The following PCCA variants were observed in gnomAD, a reference collection of about 807,000 sequenced individuals.
The protein encoded by PCCA is propionyl-CoA carboxylase alpha chain, mitochondrial.
A neutral mutation model predicts 101.3 loss-of-function variants in PCCA; 74 were observed. The ratio of observed to expected loss-of-function variants is 0.73; its 90% CI spans 0.61 to 0.89. PCCA has a LOEUF of 0.89. PCCA is among the 40% of genes least tolerant of loss of function. The pLI is 0.00. For synonymous variants in PCCA, 294 were observed against 313.6 expected, an observed-to-expected ratio of 0.94 and a Z score of 0.66; for missense variants, 891 against 907.0, an observed-to-expected ratio of 0.98 and a Z score of 0.23.
intron 5 of PCCA, among the ~76,000 whole-genome samples, 166 bp downstream of exon 5, chr13:100,155,258 G>A (rs536515963): frequency 6.6e-6 from 1 of 152,350 alleles, no homozygotes; most frequent in South Asian, 2.1e-4. Flanking sequence ...GGAAATCAAA[G>A]GCTTTGTAGC....
At chr13:100,378,600 C>T (rs1300871680) in intron 19 of PCCA, among the ~76,000 whole-genome samples, 2 of 152,006 alleles carry the variant, frequency 1.3e-5, no homozygotes, top group Non-Finnish European at 2.9e-5. Context: ...TCCCATATAT[C>T]ATGAAAGCTT....
At chr13:100,264,893 T>C (rs2062827508) in intron 10 of PCCA, among the ~76,000 whole-genome samples, 1 of 152,224 alleles carries the variant, frequency 6.6e-6, no homozygotes, top group Non-Finnish European at 1.5e-5. Flanking sequence ...TTAGTGGACT[T>C]ACGATGGTAT....
intron 6 of PCCA, among the ~76,000 whole-genome samples, chr13:100,177,593 G>A (rs1309630238): frequency 6.6e-6 from 1 of 152,122 alleles, no homozygotes; most frequent in Non-Finnish European, 1.5e-5. Context: ...GTTGAGAAGG[G>A]AGTATCTGTT....
chr13:100,404,762 C>T lies in PCCA; in HGVS notation c.1747-20871C>T, dbSNP rs2077574261. Among the ~76,000 whole-genome samples, 2 of 152,118 alleles carry T rather than the reference C, an allele frequency of 1.3e-5. 1 individual carries two copies. On this transcript the variant is annotated intron_variant, in intron 19 of 23. Coordinates refer to ENST00000376285, the MANE Select transcript of PCCA (RefSeq NM_000282.4). ...GGGGGTGAGAATCATCCACTCTTACCCACGTAACGCCCTATCTCCCCTGCT... is the reference window on the plus strand; with the variant it reads ...GGGGGTGAGAATCATCCACTCTTACTCACGTAACGCCCTATCTCCCCTGCT...
chr13:100,442,515 G>A (rs2080450989), intron 20 of PCCA, among the ~76,000 whole-genome samples: 1 of 152,134 alleles, frequency 6.6e-6, no homozygotes, highest in African/African-American at 2.4e-5. Context: ...ATTTGCCTGG[G>A]AATGAATCTA....
At chr13:100,166,624 A>G (rs2055064224) in intron 6 of PCCA, among the ~76,000 whole-genome samples, 1 of 151,988 alleles carries the variant, frequency 6.6e-6, no homozygotes. Flanking sequence ...TGCTGCATTC[A>G]TTTCTTTTTA....
intron 1 of PCCA, among the ~76,000 whole-genome samples, chr13:100,095,558 A>G (rs1025541923): frequency 2.0e-5 from 3 of 152,194 alleles, no homozygotes; most frequent in Non-Finnish European, 4.4e-5. Context: ...TAATGAGACC[A>G]TGGGGGACAT....
chr13:100,449,614 A>G (rs979510942), intron 21 of PCCA, among the ~76,000 whole-genome samples: 5 of 152,062 alleles, frequency 3.3e-5, no homozygotes, highest in Non-Finnish European at 7.4e-5. Flanking sequence ...AGCCACCCAA[A>G]TAGCTGGGAT....
intron 18 of PCCA, among the ~76,000 whole-genome samples, chr13:100,357,877 A>G (rs2074120305): frequency 6.6e-6 from 1 of 152,222 alleles, no homozygotes; most frequent in African/African-American, 2.4e-5. Flanking sequence ...CAGAGTGAAG[A>G]GTTCCATATG....
intron 6 of PCCA, among the ~76,000 whole-genome samples, chr13:100,185,612 G>C (rs546972501): frequency 6.6e-6 from 1 of 150,830 alleles, no homozygotes; most frequent in Non-Finnish European, 1.5e-5. Flanking sequence ...GCCTCCCAAA[G>C]TGTTGGGATT....
chr13:100,273,448 G>C, intron 12 of PCCA, 102 bp downstream of exon 12: 3 of 917,730 alleles, frequency 3.3e-6, no homozygotes, highest in East Asian at 2.5e-5. Context: ...ACTCCATAAA[G>C]TGTTAAATAA....
At chr13:100,513,815 C>T (rs999122467) in intron 21 of PCCA, among the ~76,000 whole-genome samples, 1 of 152,238 alleles carries the variant, frequency 6.6e-6, no homozygotes, top group Non-Finnish European at 1.5e-5. Flanking sequence ...GAAGGCGCAG[C>T]TCAGGGCGAT....
chr13:100,130,564 TG>T (rs201271145), intron 4 of PCCA, among the ~76,000 whole-genome samples: 2 of 117,178 alleles, frequency 1.7e-5, no homozygotes, highest in Non-Finnish European at 3.4e-5. Flanking sequence ...TTGTAGAAAT[TG>T]TTAAGTTGAG....
intron 7 of PCCA, among the ~76,000 whole-genome samples, chr13:100,235,278 GAA>G (rs554536034): frequency 2.0e-4 from 23 of 116,634 alleles, no homozygotes; most frequent in Admixed American, 6.2e-4. Context: ...ATATGTACCT[GAA>G]AAAAAAAAAA....
chr13:100,113,580 C>CT (rs142922710), intron 4 of PCCA, among the ~76,000 whole-genome samples: 2,121 of 134,656 alleles, frequency 0.016, 28 homozygotes, highest in Non-Finnish European at 0.024. Flanking sequence ...TTGACTCTTT[C>CT]TTTTTTTTTT....
At chr13:100,301,713 T>C in intron 13 of PCCA, 110 bp downstream of exon 13, 2 of 1,209,300 alleles carry the variant, frequency 1.7e-6, no homozygotes, top group Non-Finnish European at 2.5e-6. Context: ...TGCCAACTAT[T>C]GGATTACGTA....
At chr13:100,318,111 A>C (rs1223310615) in intron 16 of PCCA, among the ~76,000 whole-genome samples, 1 of 152,144 alleles carries the variant, frequency 6.6e-6, no homozygotes, top group Admixed American at 6.5e-5. Flanking sequence ...GGATTGCATA[A>C]ATCTAGTCAT....
intron 10 of PCCA, among the ~76,000 whole-genome samples, chr13:100,264,398 T>C (rs2062793934): frequency 6.6e-6 from 1 of 152,188 alleles, no homozygotes; most frequent in South Asian, 2.1e-4. Flanking sequence ...ATCACACCAC[T>C]TCCTAGTCAG....
chr13:100,089,136 G>C lies in PCCA; in HGVS notation c.16G>C (p.Val6Leu). 1.3e-6 allele frequency: 2 copies of C among 1,512,384 alleles called. No individual in the cohort carries two copies. The highest frequency in any genetic ancestry group is 2.5e-5 in the South Asian group (2 of 78,454). The allele number at this position is 1,512,384 out of a possible 1,614,324, so 93.7% of individuals were successfully genotyped here. MAGFW[V>L]GTAPLVAAGR... is the part of the protein sequence containing the mutation. ...GGGGACAACAATGGCGGGGTTCTGG[G>C]TCGGGACAGCACCGCTGGTCGCTGC... is the stretch of plus-strand genomic sequence containing the variant. The change falls in exon 1 of 24, where the codon GTC becomes CTC. Residue 6 changes from valine to leucine, a missense_variant. Val to Leu is a conservative substitution (Grantham distance 32). Transcript: ENST00000376285.
Sources: allele counts gnomAD v4.1 joint callset (sites outside exome capture counted in the v4.1 genomes callset), GRCh38; gene constraint gnomAD v4.1.1; transcripts MANE v1.5; gene names NCBI Gene and HGNC (gene_info 2026-07-23, HGNC 2026-07-21).